NLRP7: variants seen among roughly 807,000 people sequenced by gnomAD.
NLRP7 encodes the protein NACHT, LRR and PYD domains-containing protein 7.
A neutral mutation model predicts 85.5 loss-of-function variants in NLRP7; 72 were observed. The ratio of observed to expected loss-of-function variants is 0.84; its 90% CI spans 0.70 to 1.02. NLRP7 has a LOEUF of 1.02. Ranked by LOEUF, NLRP7 falls within the 50% of genes least tolerant of loss-of-function variation. The pLI, the probability that NLRP7 is intolerant of heterozygous loss-of-function variation, is 0.00. For missense variants in NLRP7, 1,243 were observed against 1,219.5 expected (o/e 1.02, Z -0.29); for synonymous variants, 550 against 505.2 (o/e 1.09, Z -1.19).
chr19:54,939,447 T>G (rs750636275), exon 4 of NLRP7: 51 of 1,613,686 alleles, frequency 3.2e-5, no homozygotes, highest in Non-Finnish European at 4.2e-5. Context: ...TTGGAGACTC[T>G]GTCCTGGCGG....
chr19:54,964,055 A>G (rs2070186147), intron 1 of NLRP7, among the ~76,000 whole-genome samples: 2 of 148,684 alleles, frequency 1.3e-5, no homozygotes, highest in Admixed American at 1.3e-4. Context: ...AATTTTTTGT[A>G]TTTTTAGTTG....
At chr19:54,962,702 C>T (rs1247163869) in intron 1 of NLRP7, among the ~76,000 whole-genome samples, 3 of 151,586 alleles carry the variant, frequency 2.0e-5, no homozygotes, top group Admixed American at 6.6e-5. Flanking sequence ...CGGGTTCACG[C>T]CATTCTCCTG....
chr19:54,929,612 G>T (rs1326250571), intron 9 of NLRP7, among the ~76,000 whole-genome samples: 9 of 152,214 alleles, frequency 5.9e-5, no homozygotes, highest in Admixed American at 5.2e-4. Context: ...GGGTTTATGA[G>T]GTGGGGCAGG....
chr19:54,940,516 G>C (rs748539006), intron 3 of NLRP7, 50 bp from the exon 4 acceptor site: 1 of 1,602,694 alleles, frequency 6.2e-7, no homozygotes, highest in Non-Finnish European at 8.5e-7. Flanking sequence ...ATGATTTTCT[G>C]AATTATTTTG....
chr19:54,931,257 A>G (rs1243330341), intron 8 of NLRP7, among the ~76,000 whole-genome samples: 1 of 151,830 alleles, frequency 6.6e-6, no homozygotes, highest in Non-Finnish European at 1.5e-5. Flanking sequence ...CCCCATCTCT[A>G]CTAAAAAATA....
intron 5 of NLRP7, among the ~76,000 whole-genome samples, chr19:54,936,848 G>A (rs1042041954): frequency 3.3e-5 from 5 of 152,108 alleles, no homozygotes; most frequent in Non-Finnish European, 7.4e-5. Context: ...CCAGGAGGCA[G>A]AGGTTGCAGT....
chr19:54,945,251 A>G (rs192547898), intron 1 of NLRP7, among the ~76,000 whole-genome samples: 2,961 of 149,756 alleles, frequency 0.02, 107 homozygotes, highest in African/African-American at 0.069. Flanking sequence ...AAAAAAAAAA[A>G]AAAAGAAAAG....
rs772354160 is a variant in NLRP7 at position 54,934,663 on chromosome 19, T to C, written c.2301-4A>G. ...GGTGGCACAGTGACCTCCCAACCTG[T>C]GAAAAGAGTGGGAAAAGTCATTCTT... is the stretch of plus-strand genomic sequence containing the variant. On this transcript the variant is annotated splice_region_variant and splice_polypyrimidine_tract_variant and intron_variant, in intron 6 of 9. Transcript: ENST00000340844. The surrounding 1 kb of genome is among the most constrained non-coding windows in gnomAD (Gnocchi z 6.7). The C allele has an allele frequency of 1.2e-6, 2 of 1,611,362 alleles. No homozygotes were observed. The highest frequency in any genetic ancestry group is 3.4e-5 in the Admixed American group (2 of 59,688).
intron 1 of NLRP7, among the ~76,000 whole-genome samples, chr19:54,944,057 G>A (rs1429136660): frequency 6.6e-6 from 1 of 152,098 alleles, no homozygotes; most frequent in East Asian, 1.9e-4. Flanking sequence ...GAAAAGCCAG[G>A]TATTGTCCAA....
intron 1 of NLRP7, among the ~76,000 whole-genome samples, chr19:54,959,002 G>A (rs1276084949): frequency 2.6e-5 from 4 of 152,094 alleles, no homozygotes; most frequent in Non-Finnish European, 5.9e-5. Context: ...GATAACATCG[G>A]GTTCTAAGTC....
intron 8 of NLRP7, among the ~76,000 whole-genome samples, chr19:54,931,913 G>C (rs1394775657): frequency 6.6e-6 from 1 of 151,710 alleles, no homozygotes; most frequent in Admixed American, 6.6e-5. Flanking sequence ...TGGGACAACA[G>C]CTTAGGCTCT....
chr19:54,940,471 A>G lies in NLRP7; in HGVS notation c.353-5T>C. The G allele has an allele frequency of 6.2e-7, 1 of 1,613,616 alleles. No homozygotes were observed. The highest frequency in any genetic ancestry group is 2.2e-5 in the East Asian group (1 of 44,882). ...TTCTCCATCCTTCCTTTTCACCTGCAGTGACAGCCCATAGGACAGTTGAGG... is the reference window on the plus strand; with the variant it reads ...TTCTCCATCCTTCCTTTTCACCTGCGGTGACAGCCCATAGGACAGTTGAGG... On this transcript the variant is annotated splice_region_variant and splice_polypyrimidine_tract_variant and intron_variant, in intron 3 of 9. Coordinates refer to ENST00000340844, the Ensembl canonical transcript of NLRP7.
chr19:54,954,410 G>C (rs547883618), intron 1 of NLRP7, among the ~76,000 whole-genome samples: 25 of 143,442 alleles, frequency 1.7e-4, no homozygotes, highest in Non-Finnish European at 2.9e-4. Flanking sequence ...GGCGCCTGTA[G>C]TCCCAGCTAC....
rs909931187 is a variant in NLRP7, at chr19:54,934,361, C to G, written c.2471+128G>C. ...AGATTACAGGCAGGAGCCACCGTGCCGGGCCTGAAGCAGGTGTTTATTTCA... is the reference window on the plus strand; with the variant it reads ...AGATTACAGGCAGGAGCCACCGTGCGGGGCCTGAAGCAGGTGTTTATTTCA... On this transcript the variant is annotated intron_variant, in intron 7 of 9. Coordinates refer to ENST00000340844, the Ensembl canonical transcript of NLRP7. This position sits in a 1 kb window ranked among gnomAD's most constrained non-coding sequence, Gnocchi z 6.7. 3 of 933,390 alleles carry G rather than the reference C, an allele frequency of 3.2e-6. No individual in the cohort carries two copies. Among genetic ancestry groups the G allele is most frequent in the South Asian group, 1.3e-5 (1 of 76,800 alleles). The allele number at this position is 933,390 out of a possible 1,614,324, so 57.8% of individuals were successfully genotyped here.
At chr19:54,936,950 C>T (rs1028572738) in intron 5 of NLRP7, among the ~76,000 whole-genome samples, 3 of 149,310 alleles carry the variant, frequency 2.0e-5, no homozygotes, top group Non-Finnish European at 4.5e-5. Flanking sequence ...TGGTGGCTCA[C>T]GCCTGTAATC....
At chr19:54,939,268 T>A (rs765794077) in exon 4 of NLRP7, 1 of 1,614,136 alleles carries the variant, frequency 6.2e-7, no homozygotes, top group Non-Finnish European at 8.5e-7. Context: ...AGTGTCCTAC[T>A]TGAATCAGGT....
chr19:54,947,887 A>G (rs936285327), upstream of NLRP7: 1 of 257,534 alleles, frequency 3.9e-6, no homozygotes, highest in Non-Finnish European at 7.8e-6. Context: ...ATAAATAAAA[A>G]TTAAAAAAAA....
upstream of NLRP7, among the ~76,000 whole-genome samples, chr19:54,952,350 T>C (rs1392530383): frequency 6.6e-6 from 1 of 151,734 alleles, no homozygotes. Flanking sequence ...TCCAGCACTT[T>C]GGGAGGCCAA....
intron 1 of NLRP7, among the ~76,000 whole-genome samples, chr19:54,959,607 G>A (rs1180641108): frequency 1.3e-5 from 2 of 151,728 alleles, no homozygotes; most frequent in Admixed American, 6.6e-5. Flanking sequence ...GAGCCCAGGA[G>A]CTCAAGTCCA....
Sources: allele counts gnomAD v4.1 joint callset (sites outside exome capture counted in the v4.1 genomes callset), GRCh38; gene constraint gnomAD v4.1.1; non-coding constraint Gnocchi (gnomAD v3.1); transcripts MANE v1.5; gene names NCBI Gene and HGNC (gene_info 2026-07-23, HGNC 2026-07-21).